CFAP99: variants seen among roughly 807,000 people sequenced by gnomAD.
CFAP99 encodes the protein cilia- and flagella-associated protein 99.
A neutral mutation model predicts 82.7 loss-of-function variants in CFAP99; 84 were observed. The ratio of observed to expected loss-of-function variants is 1.02; its 90% CI spans 0.85 to 1.22. The LOEUF (loss-of-function observed/expected upper bound fraction) is 1.22, where lower values mean the gene tolerates loss of function less well. Among genes scored for constraint, CFAP99 ranks in the 50% most tolerant of loss-of-function variants. The pLI, the probability that CFAP99 is intolerant of heterozygous loss-of-function variation, is 0.00. For synonymous variants in CFAP99, 456 were observed against 429.5 expected (o/e 1.06, Z -0.76); for missense variants, 1,059 against 983.5 (o/e 1.08, Z -1.03).
chr4:2,429,776 A>G (rs1164694142), intron 2 of CFAP99, among the ~76,000 whole-genome samples: 1 of 152,094 alleles, frequency 6.6e-6, no homozygotes, highest in African/African-American at 2.4e-5. Context: ...TATTTTTAGT[A>G]GAGACGGGGT....
chr4:2,447,469 G>A (rs1219700867), intron 6 of CFAP99, among the ~76,000 whole-genome samples: 1 of 150,016 alleles, frequency 6.7e-6, no homozygotes, highest in Non-Finnish European at 1.5e-5. Context: ...GAATGGATGA[G>A]TAGAGGGATG....
At chr4:2,460,131 A>C in exon 14 of CFAP99, 2 of 1,536,118 alleles carry the variant, frequency 1.3e-6, no homozygotes, top group Non-Finnish European at 1.7e-6. Flanking sequence ...AAGGAGGAAG[A>C]AAAGCGGGAT....
At position 2,451,397 on chromosome 4, in the gene CFAP99, C is replaced by T. The variant is rs1734298650; in HGVS notation, c.956+45C>T. On this transcript the variant is annotated intron_variant, in intron 10 of 14. Transcript: ENST00000635017. ...CCCACCTGCCTTCCACGGCATCACC[C>T]TTGAGAGGAAAGGCTCAGAGGAGGG... 4 of 1,520,726 alleles carry T rather than the reference C, an allele frequency of 2.6e-6. No individual in the cohort carries two copies. The South Asian group carries it at 3.6e-5, about 14-fold the overall frequency. 94.2% of individuals were successfully genotyped at this position (1,520,726 alleles called of 1,614,324 possible).
chr4:2,426,966 A>G (rs899774934), intron 2 of CFAP99: 10 of 252,520 alleles, frequency 4.0e-5, no homozygotes, highest in Non-Finnish European at 7.9e-5. Flanking sequence ...TGTGGCAGTG[A>G]GGGTGCGCAA....
chr4:2,462,801 G>T lies in CFAP99; in HGVS notation c.2020G>T (p.Gly674Cys). Reference sequence around the variant, plus strand: ...CCCTGCCCGCGCCGACGCGTTCCCCGGCCTGCAGGCGCAGCTAGAGGCGCA... The same window carrying T: ...CCCTGCCCGCGCCGACGCGTTCCCCTGCCTGCAGGCGCAGCTAGAGGCGCA... The change falls in exon 15 of 15, where the codon GGC (glycine) becomes TGC (cysteine). Residue 674 changes from glycine to cysteine, a missense_variant. Gly to Cys is a radical substitution (Grantham distance 159). Transcript: ENST00000635017. This position sits in a 1 kb window ranked among gnomAD's most constrained non-coding sequence, Gnocchi z 4.1. 1 of 1,306,504 alleles carries T rather than the reference G, an allele frequency of 7.7e-7. No homozygotes were observed. The highest frequency in any genetic ancestry group is 9.7e-7 in the Non-Finnish European group (1 of 1,030,810). 80.9% of individuals were successfully genotyped at this position (1,306,504 alleles called of 1,614,324 possible).
chr4:2,460,832 C>T (rs891959917), intron 14 of CFAP99, among the ~76,000 whole-genome samples: 1 of 152,162 alleles, frequency 6.6e-6, no homozygotes, highest in South Asian at 2.1e-4. Flanking sequence ...TCACTGCAAC[C>T]TCTGCCTCCC....
chr4:2,445,805 A>G (rs572495100), intron 6 of CFAP99, among the ~76,000 whole-genome samples: 1 of 152,310 alleles, frequency 6.6e-6, no homozygotes, highest in Admixed American at 6.5e-5. Context: ...AATAGAGCAC[A>G]GGCTGACCCT....
chr4:2,458,757 G>A lies in CFAP99; in HGVS notation c.1196G>A (p.Arg399Gln), dbSNP rs540601763. ...CTGATGCTGCAGCGTGCAGAGAGACGGCTCCGGGAGGACAGGTCCAGGAAG... is the reference window on the plus strand; with the variant it reads ...CTGATGCTGCAGCGTGCAGAGAGACAGCTCCGGGAGGACAGGTCCAGGAAG... The change falls in exon 12 of 15, where the codon CGG becomes CAG. Residue 399 changes from arginine to glutamine, a missense_variant. Arg to Gln is a conservative substitution (Grantham distance 43). Coordinates refer to ENST00000635017, the Ensembl canonical transcript of CFAP99. 3.5e-5 allele frequency: 53 copies of A among 1,535,642 alleles called. No homozygotes were observed. Among genetic ancestry groups the A allele is most frequent in the East Asian group, 3.4e-4 (14 of 40,920 alleles).
At position 2,462,540 on chromosome 4, in the gene CFAP99, G is replaced by C. The variant is rs547248139; in HGVS notation, c.1759G>C (p.Glu587Gln). 2.1e-5 allele frequency: 31 copies of C among 1,469,162 alleles called. No homozygotes were observed. The East Asian group carries it at 8.7e-4, about 41-fold the overall frequency. 91.0% of individuals were successfully genotyped at this position (1,469,162 alleles called of 1,614,324 possible). A position where few individuals can be genotyped will look rare whatever the true frequency, so the allele number is the denominator to read the frequency against. Residue 587 changes from glutamate (E) to glutamine (Q), a missense_variant, in exon 15 of 15, where the codon GAG becomes CAG. Physicochemically the swap from Glu to Gln is conservative, Grantham distance 29 (BLOSUM62 2). Coordinates refer to ENST00000635017, the Ensembl canonical transcript of CFAP99. This position sits in a 1 kb window ranked among gnomAD's most constrained non-coding sequence, Gnocchi z 4.1. The stretch of plus-strand genomic sequence containing the variant: ...GCGCAGGATCTCGGAGAGGGCGGCC[G>C]AGCGCAGCAGGCAGGCGGCCTTGCT...
At chr4:2,429,968 G>A (rs1052679870) in intron 2 of CFAP99, among the ~76,000 whole-genome samples, 6 of 152,214 alleles carry the variant, frequency 3.9e-5, no homozygotes, top group Non-Finnish European at 7.3e-5. Flanking sequence ...TGGACAACTC[G>A]CTTTCCTCTC....
intron 11 of CFAP99, among the ~76,000 whole-genome samples, chr4:2,454,589 TTTTTG>T (rs1422027403): frequency 6.0e-4 from 88 of 146,980 alleles, no homozygotes; most frequent in Non-Finnish European, 8.5e-4. Flanking sequence ...TTCTTTTTTT[TTTTTG>T]TTTTTTTTTT....
At chr4:2,452,046 C>A in intron 10 of CFAP99, 96 bp from the exon 11 acceptor site, 1 of 1,302,934 alleles carries the variant, frequency 7.7e-7, no homozygotes, top group Non-Finnish European at 1.1e-6. Context: ...CAGCCCACGC[C>A]TGCGCAGCCA....
chr4:2,451,018 G>T, exon 9 of CFAP99: 1 of 1,535,848 alleles, frequency 6.5e-7, no homozygotes, highest in African/African-American at 1.4e-5. Context: ...CCTTCTATAG[G>T]GTGAGGGGTG....
At chr4:2,421,879 C>CAAA (rs34014257) in intron 1 of CFAP99, among the ~76,000 whole-genome samples, 152 of 101,556 alleles carry the variant, frequency 1.5e-3, no homozygotes, top group Middle Eastern at 6.3e-3. Context: ...CCTGTCTCTA[C>CAAA]AAAAAAAAAA....
chr4:2,435,807 CCAGCTACTCAGGAGGCCGAGGTGGGAAG>C (rs1430028035), intron 2 of CFAP99, among the ~76,000 whole-genome samples: 2,455 of 148,948 alleles, frequency 0.016, 6 homozygotes, highest in East Asian at 0.041. Flanking sequence ...ATCTGTAGTC[CCAGCTACTCAGGAGGCCGAGGTGGGAAG>C]CAGCTACTCA....
intron 11 of CFAP99, 97 bp from the exon 12 acceptor site, chr4:2,458,626 C>T (rs966952637): frequency 1.4e-6 from 2 of 1,415,616 alleles, no homozygotes; most frequent in South Asian, 1.4e-5. Flanking sequence ...GGACTGGGTC[C>T]ACCTTCAGAC....
Position 2,462,859 on chromosome 4 carries a change from G to T in CFAP99, c.2078G>T (p.Arg693Leu), listed in dbSNP as rs891130907. Residue 693 changes from arginine (R) to leucine (L), a missense_variant, in exon 15 of 15, where the codon CGC becomes CTC. Physicochemically the swap from Arg to Leu is moderately radical, Grantham distance 102. Transcript: ENST00000635017. The surrounding 1 kb of genome is among the most constrained non-coding windows in gnomAD (Gnocchi z 4.1). ...CTGGAGCTGGAGCGGAGCCGCGAGC[G>T]CAGGCTGCAGGCGCTGCAGCAGGGA... is the stretch of plus-strand genomic sequence containing the variant. 1 of 1,390,620 alleles carries T rather than the reference G, an allele frequency of 7.2e-7. No individual in the cohort carries two copies. Among genetic ancestry groups the T allele is most frequent in the Non-Finnish European group, 9.3e-7 (1 of 1,071,846 alleles). The allele number at this position is 1,390,620 out of a possible 1,614,324, so 86.1% of individuals were successfully genotyped here. A position where few individuals can be genotyped will look rare whatever the true frequency, so the allele number is the denominator to read the frequency against.
At chr4:2,438,324 G>A (rs35282987) in intron 4 of CFAP99, among the ~76,000 whole-genome samples, 160 bp downstream of exon 4, 17,744 of 152,120 alleles carry the variant, frequency 0.12, 1,163 homozygotes, top group Non-Finnish European at 0.15. Flanking sequence ...GGGCAGTGGC[G>A]CGATCTCAGC....
At chr4:2,442,606 GA>G (rs1422005904) in intron 4 of CFAP99, among the ~76,000 whole-genome samples, 1 of 152,132 alleles carries the variant, frequency 6.6e-6, no homozygotes, top group African/African-American at 2.4e-5. Context: ...CACCATTCAG[GA>G]TGTGCTTCTG....
Sources: gnomAD v4.1 joint callset for allele counts (sites outside exome capture counted in the v4.1 genomes callset) on GRCh38, gnomAD v4.1.1 for gene constraint, Gnocchi (gnomAD v3.1) non-coding constraint, MANE v1.5 for transcripts, NCBI Gene and HGNC (gene_info 2026-07-23, HGNC 2026-07-21) for gene names.